Variants in OTOGL observed in about 807,000 individuals in gnomAD.
OTOGL encodes otogelin like.
A neutral mutation model predicts 318.5 loss-of-function variants in OTOGL; 285 were observed. The observed-to-expected ratio is 0.89, with a 90% CI of 0.81 to 0.99. OTOGL has a LOEUF of 0.99. OTOGL is among the 50% of genes least tolerant of loss of function. The pLI is 0.00. For missense variants in OTOGL, 2,899 were observed against 2,845.6 expected (o/e 1.02, Z -0.43); for synonymous variants, 987 against 936.5 (o/e 1.05, Z -0.99).
At chr12:80,187,179 A>G (rs1446777872) in intron 1 of OTOGL, among the ~76,000 whole-genome samples, 1 of 152,214 alleles carries the variant, frequency 6.6e-6, no homozygotes, top group Non-Finnish European at 1.5e-5. Context: ...GGGATGAGAA[A>G]ACAACAGGGT....
chr12:80,184,086 A>G (rs374593405), intron 1 of OTOGL, among the ~76,000 whole-genome samples: 4 of 152,324 alleles, frequency 2.6e-5, no homozygotes, highest in East Asian at 3.9e-4. Context: ...GCAAAACTGT[A>G]GTTTATGTTT....
intron 29 of OTOGL, among the ~76,000 whole-genome samples, chr12:80,308,349 C>G (rs1303558268): frequency 6.6e-6 from 1 of 151,002 alleles, no homozygotes; most frequent in Non-Finnish European, 1.5e-5. Flanking sequence ...CGGGCAGAGA[C>G]GCTCCTCACA....
At chr12:80,298,504 A>G (rs1010951272) in intron 27 of OTOGL, among the ~76,000 whole-genome samples, 19 of 152,210 alleles carry the variant, frequency 1.2e-4, no homozygotes, top group South Asian at 2.1e-4. Flanking sequence ...AATGGATTTG[A>G]AGAAATGATT....
intron 43 of OTOGL, among the ~76,000 whole-genome samples, chr12:80,340,738 G>A (rs541461524): frequency 1.5e-4 from 23 of 152,236 alleles, no homozygotes; most frequent in Non-Finnish European, 2.1e-4. Flanking sequence ...AAAGCTTCTA[G>A]TGAGTAAGAC....
intron 48 of OTOGL, 133 bp from the exon 49 acceptor site, chr12:80,356,674 A>T: frequency 1.7e-6 from 1 of 596,580 alleles, no homozygotes; most frequent in East Asian, 3.3e-5. Context: ...TATATCTTTC[A>T]TATATATGTA....
chr12:80,278,254 T>G lies in OTOGL; in HGVS notation c.2768T>G (p.Ile923Ser). Reference sequence around the variant, plus strand: ...TGGGAGTATCTCTCAGGAGAAGTGATTGCTACACCGTGTTACACCTGGTAA... The same window carrying G: ...TGGGAGTATCTCTCAGGAGAAGTGAGTGCTACACCGTGTTACACCTGGTAA... The part of the protein sequence containing the change: ...KDWEYLSGEV[I>S]ATPCYTCVCR... Residue 923 changes from isoleucine (I) to serine (S), a missense_variant, in exon 25 of 59, where the codon ATT becomes AGT. Ile to Ser is a moderately radical substitution (Grantham distance 142). Coordinates refer to ENST00000547103, the MANE Select transcript of OTOGL (RefSeq NM_001378609.3). 6.5e-7 allele frequency: 1 copy of G among 1,543,484 alleles called. No individual in the cohort carries two copies. The highest frequency in any genetic ancestry group is 1.2e-5 in the South Asian group (1 of 83,830).
intron 5 of OTOGL, among the ~76,000 whole-genome samples, chr12:80,218,772 T>C (rs1877980687): frequency 6.7e-6 from 1 of 150,088 alleles, no homozygotes; most frequent in African/African-American, 2.5e-5. Flanking sequence ...TAAGTATAGA[T>C]TTCTTTTTTT....
intron 43 of OTOGL, among the ~76,000 whole-genome samples, chr12:80,341,285 T>C (rs1327182104): frequency 6.6e-6 from 1 of 152,166 alleles, no homozygotes. Context: ...GGAAATTGCC[T>C]GTGTCCTAGA....
intron 44 of OTOGL, among the ~76,000 whole-genome samples, chr12:80,349,229 AG>A (rs1889390555): frequency 1.3e-5 from 2 of 152,204 alleles, no homozygotes; most frequent in South Asian, 2.1e-4. Flanking sequence ...AAGAGTTATT[AG>A]TATATGGATT....
Position 80,149,093 on chromosome 12 carries a change from G to A in OTOGL, c.-20+49488G>A, listed in dbSNP as rs578233736. 2.0e-5 allele frequency among the ~76,000 whole-genome samples: 3 copies of A among 152,306 alleles called. No individual in the cohort carries two copies. The East Asian group carries it at 5.8e-4, about 29-fold the overall frequency. On this transcript the variant is annotated intron_variant, in intron 1 of 58. Coordinates refer to ENST00000547103, the MANE Select transcript of OTOGL (RefSeq NM_001378609.3). ...TCCGTCCAGCTTTGTTCCATTGCTGGTGAGGAACTGCGTTCCTTTGGAGGA... is the reference window on the plus strand; with the variant it reads ...TCCGTCCAGCTTTGTTCCATTGCTGATGAGGAACTGCGTTCCTTTGGAGGA...
chr12:80,173,170 G>A (rs1592517502), intron 1 of OTOGL, among the ~76,000 whole-genome samples: 1 of 144,974 alleles, frequency 6.9e-6, no homozygotes, highest in Admixed American at 6.7e-5. Context: ...AGATTCATAT[G>A]CCTTTTTTTT....
intron 19 of OTOGL, among the ~76,000 whole-genome samples, chr12:80,264,385 C>A (rs1405619916): frequency 1.3e-5 from 2 of 152,138 alleles, no homozygotes; most frequent in South Asian, 2.1e-4. Context: ...TCAGCATATA[C>A]CCTAATCCCC....
rs780710763 is a variant in OTOGL, at chr12:80,352,416, G to A, written c.5387G>A (p.Trp1796Ter). ...LCNKFDICIQWRTPDYCSLSC... is the reference protein window; with the variant it reads ...LCNKFDICIQ ...AACAAGTTTGATATCTGTATTCAGT[G>A]GAGAACACCTGATTACTGCTGTGAG... Residue 1796 changes from tryptophan (W) to a stop codon, truncating the protein, a stop_gained, in exon 45 of 59, where the codon TGG (tryptophan) becomes TAG (stop). Transcript: ENST00000547103. LOFTEE classifies it high-confidence loss of function. 1.9e-6 allele frequency: 3 copies of A among 1,604,626 alleles called. No homozygotes were observed. The African/African-American group carries it at 4.0e-5, about 22-fold the overall frequency.
intron 36 of OTOGL, 130 bp downstream of exon 36, chr12:80,328,874 C>T: frequency 9.6e-7 from 1 of 1,043,124 alleles, no homozygotes; most frequent in Non-Finnish European, 1.4e-6. Flanking sequence ...TTCAATGTCT[C>T]TTACATAGCT....
chr12:80,131,238 C>A (rs1871222205), intron 1 of OTOGL: 1 of 152,220 alleles, frequency 6.6e-6, no homozygotes, highest in Non-Finnish European at 1.5e-5. Context: ...CATAGAAAAT[C>A]TGGTTAGCCC....
chr12:80,296,199 T>C (rs917213655), intron 26 of OTOGL, among the ~76,000 whole-genome samples: 6 of 152,234 alleles, frequency 3.9e-5, no homozygotes, highest in Non-Finnish European at 7.3e-5. Context: ...ATTTGAACTC[T>C]GATCCTCCTC....
At chr12:80,372,685 T>C (rs1890950389) in intron 57 of OTOGL, among the ~76,000 whole-genome samples, 1 of 143,874 alleles carries the variant, frequency 7.0e-6, no homozygotes, top group African/African-American at 2.9e-5. Flanking sequence ...GTTTATTTCA[T>C]AGTAATTGTT....
chr12:80,270,196 C>T (rs1239235847), intron 23 of OTOGL, 42 bp downstream of exon 23: 26 of 1,475,376 alleles, frequency 1.8e-5, no homozygotes, highest in Non-Finnish European at 2.4e-5. Flanking sequence ...GGGTTCAGCT[C>T]TGATACCACC....
intron 1 of OTOGL, among the ~76,000 whole-genome samples, chr12:80,169,390 C>T (rs1220368605): frequency 1.3e-5 from 2 of 152,116 alleles, no homozygotes; most frequent in Non-Finnish European, 1.5e-5. Flanking sequence ...CTAATTTAAT[C>T]CGGGAATTTG....
Sources: allele counts gnomAD v4.1 joint callset (sites outside exome capture counted in the v4.1 genomes callset), GRCh38; gene constraint gnomAD v4.1.1; transcripts MANE v1.5; gene names NCBI Gene and HGNC (gene_info 2026-07-23, HGNC 2026-07-21).